Variants in TTN observed in about 807,000 individuals in gnomAD.
TTN encodes titin.
In TTN, 1,525 loss-of-function variants were observed where a neutral mutation model predicts 3,223.0. The ratio of observed to expected loss-of-function variants is 0.47; its 90% confidence interval spans 0.45 to 0.49. The LOEUF (loss-of-function observed/expected upper bound fraction) is 0.49. Among genes scored for constraint, TTN ranks in the 20% least tolerant of loss-of-function variants. TTN has a pLI of 0.00. For missense variants in TTN, 40,786 were observed against 43,424.0 expected, an observed-to-expected ratio of 0.94 and a Z score of 5.40; for synonymous variants, 14,094 against 15,161.0, an observed-to-expected ratio of 0.93 and a Z score of 5.17.
Position 178,597,893 on chromosome 2 carries a change from A to G in TTN, c.57262+15T>C. 1 of 1,612,944 alleles carries G rather than the reference A, an allele frequency of 6.2e-7. No individual in the cohort carries two copies. Among genetic ancestry groups the G allele is most frequent in the Non-Finnish European group, 8.5e-7 (1 of 1,179,480 alleles). ...AACATAAATACTGATGGCATAAGGA[A>G]GGATTGATAATTACCAAGTCTGTCC... On this transcript the variant is annotated intron_variant, in intron 293 of 362. Coordinates refer to ENST00000589042, the MANE Select transcript of TTN (RefSeq NM_001267550.2).
chr2:178,615,786 A>G lies in TTN; in HGVS notation c.48315T>C (p.Val16105=). Residue 16105 remains valine (V), a splice_region_variant and synonymous_variant, in exon 258 of 363, where the codon GTT becomes GTC. Transcript: ENST00000589042. The part of the protein sequence containing the change: ...REVSRKTWTK[V]MDFVTDLEFT... ...ATTCTAGATCAGTCACAAAGTCCATAACCTGGGACAAAGAAATACAGTTAA... is the reference window on the plus strand; with the variant it reads ...ATTCTAGATCAGTCACAAAGTCCATGACCTGGGACAAAGAAATACAGTTAA... 6.2e-7 allele frequency: 1 copy of G among 1,606,798 alleles called. No homozygotes were observed. Among genetic ancestry groups the G allele is most frequent in the South Asian group, 1.1e-5 (1 of 89,478 alleles).
At chr2:178,756,143 G>T in intron 46 of TTN, 79 bp downstream of exon 46, 2 of 1,066,808 alleles carry the variant, frequency 1.9e-6, no homozygotes, top group Non-Finnish European at 2.7e-6. Context: ...TATATTCGTC[G>T]ATTGAATTTG....
At chr2:178,803,801 A>G (rs1402828062) in intron 2 of TTN, among the ~76,000 whole-genome samples, 1 of 152,020 alleles carries the variant, frequency 6.6e-6, no homozygotes, top group Non-Finnish European at 1.5e-5. Flanking sequence ...AATATAGTTC[A>G]TACACTACTC....
rs879209553 is a variant in TTN at position 178,560,790 on chromosome 2, G to A, written c.85342C>T (p.Leu28448Phe). The A allele has an allele frequency of 1.8e-5, 29 of 1,613,720 alleles. No individual in the cohort carries two copies. Among genetic ancestry groups the A allele is most frequent in the Non-Finnish European group, 2.5e-5 (29 of 1,179,784 alleles). ...CCTGCTGGTGGACCAGGCTTATCAA[G>A]TACTTTGCAATTAACGGCCACAGAC... ...TRSVAVNCKVLDKPGPPAGPL... is the reference protein window; with the variant it reads ...TRSVAVNCKVFDKPGPPAGPL... Residue 28448 changes from leucine to phenylalanine, a missense_variant, in exon 326 of 363, where the codon CTT becomes TTT. Transcript: ENST00000589042.
intron 37 of TTN, 123 bp from the exon 38 acceptor site, chr2:178,769,056 G>C (rs917287473): frequency 4.3e-5 from 49 of 1,129,984 alleles, no homozygotes; most frequent in Non-Finnish European, 6.2e-5. Flanking sequence ...TTACAGTTTA[G>C]AGATATAAGC....
At chr2:178,669,292 T>C in intron 159 of TTN, 81 bp downstream of exon 159, 1 of 1,188,392 alleles carries the variant, frequency 8.4e-7, no homozygotes, top group Non-Finnish European at 1.2e-6. Context: ...TATATTTACT[T>C]TTCAAAGCTA....
At position 178,651,722 on chromosome 2, in the gene TTN, G is replaced by A. The variant is rs1060500460; in HGVS notation, c.39407C>T (p.Pro13136Leu). Residue 13136 changes from proline to leucine, a missense_variant, in exon 206 of 363, where the codon CCA becomes CTA. Coordinates refer to ENST00000589042, the MANE Select transcript of TTN (RefSeq NM_001267550.2). ...AACGACAGCAGGTGCTTTCTTTTCT[G>A]GGACAGGTTTCTTAGGTGGTACGGT... is the stretch of plus-strand genomic sequence containing the variant. ...QVTVPPKKPV[P>L]EKKAPAVVAK... is the part of the protein sequence containing the mutation. 6 of 1,613,258 alleles carry A rather than the reference G, an allele frequency of 3.7e-6. No homozygotes were observed. The highest frequency in any genetic ancestry group is 5.1e-6 in the Non-Finnish European group (6 of 1,179,566).
rs1559094124 is a variant in TTN at position 178,540,090 on chromosome 2, T to C, written c.98076A>G (p.Thr32692=). The stretch of plus-strand genomic sequence containing the variant: ...CACCAAGCATTTCAGTGACTTTGAC[T>C]GTTCCTGGTACCTCAGCAGGCTCAC... ...GPGEPAEVPG[T]VKVTEMLEYP... The change falls in exon 351 of 363, where the codon ACA becomes ACG. Residue 32692 remains threonine, a synonymous_variant. Coordinates refer to ENST00000589042, the MANE Select transcript of TTN (RefSeq NM_001267550.2). 6.2e-7 allele frequency: 1 copy of C among 1,604,702 alleles called. No homozygotes were observed. Among genetic ancestry groups the C allele is most frequent in the Non-Finnish European group, 8.5e-7 (1 of 1,173,894 alleles).
In TTN at chr2:178,652,923, C is replaced by A. The variant is rs748824566; in HGVS notation, c.38884G>T (p.Ala12962Ser). Residue 12962 changes from alanine to serine, a missense_variant, in exon 200 of 363, where the codon GCT (alanine) becomes TCT (serine). Physicochemically the swap from Ala to Ser is moderately conservative, Grantham distance 99. Transcript: ENST00000589042. ...PEVPPVKVPE[A>S]PIEVVPEKKM... is the part of the protein sequence containing the mutation. ...TTTTCAGGAACAACCTCTATGGGAG[C>A]CTCTGGCACTTAAAAGATATTAGTG... The A allele has an allele frequency of 6.9e-6, 11 of 1,604,924 alleles. No homozygotes were observed. In the Admixed American group the frequency reaches 1.9e-4, roughly 28 times the overall value.
Position 178,530,343 on chromosome 2 carries a change from A to G in TTN, c.106272T>C (p.Thr35424=). Residue 35424 remains threonine (T), a synonymous_variant, in exon 358 of 363, where the codon ACT becomes ACC. Coordinates refer to ENST00000589042, the MANE Select transcript of TTN (RefSeq NM_001267550.2). ...EPISSKPVIV[T]GLQDTTVSSD... is the part of the protein sequence containing the mutation. ...AAGAAACAGTTGTATCCTGCAACCC[A>G]GTAACAATTACTGGTTTTGAGGAAA... 1 of 1,614,000 alleles carries G rather than the reference A, an allele frequency of 6.2e-7. No homozygotes were observed. The highest frequency in any genetic ancestry group is 8.5e-7 in the Non-Finnish European group (1 of 1,179,874).
At position 178,601,985 on chromosome 2, in the gene TTN, A is replaced by T; in HGVS notation, c.55269+17T>A. ...AGTGATTCAGTGGAAAAAAGAGGAG[A>T]ATGGTTATTTTCCTACCTTCATTGC... On this transcript the variant is annotated intron_variant, in intron 284 of 362. Transcript: ENST00000589042. 6.2e-7 allele frequency: 1 copy of T among 1,612,638 alleles called. No homozygotes were observed. Among genetic ancestry groups the T allele is most frequent in the Non-Finnish European group, 8.5e-7 (1 of 1,179,176 alleles).
chr2:178,702,514 A>T lies in TTN; in HGVS notation c.30373T>A (p.Phe10125Ile). The change falls in exon 107 of 363, where the codon TTC (phenylalanine) becomes ATC (isoleucine). Residue 10125 changes from phenylalanine to isoleucine, a missense_variant. Physicochemically the swap from Phe to Ile is conservative, Grantham distance 21. Coordinates refer to ENST00000589042, the MANE Select transcript of TTN (RefSeq NM_001267550.2). ...TELTESQKYN[F>I]RNDGRCHYMT... Reference sequence around the variant, plus strand: ...TAATGGCAGCGGCCATCATTCCTGAAGTTGTATTTCTGGCTCTCTGTCAGT... The same window carrying T: ...TAATGGCAGCGGCCATCATTCCTGATGTTGTATTTCTGGCTCTCTGTCAGT... The T allele has an allele frequency of 6.2e-7, 1 of 1,613,916 alleles. No homozygotes were observed. The highest frequency in any genetic ancestry group is 8.5e-7 in the Non-Finnish European group (1 of 1,179,878).
rs752009181 is a variant in TTN at position 178,568,022 on chromosome 2, C to T, written c.78110G>A (p.Trp26037Ter). 1 of 1,613,284 alleles carries T rather than the reference C, an allele frequency of 6.2e-7. No homozygotes were observed. The highest frequency in any genetic ancestry group is 1.1e-5 in the South Asian group (1 of 91,072). ...LERKERNSIL[W>*]TKVNKTIIHD... is the part of the protein sequence containing the mutation. ...AATAATAGTTTTGTTGACCTTTGTC[C>T]ACAAAATACTGTTTCTTTCTTTTCT... The change falls in exon 326 of 363, where the codon TGG becomes TAG. Residue 26037 changes from tryptophan (W) to a stop codon, truncating the protein, a stop_gained. Coordinates refer to ENST00000589042, the MANE Select transcript of TTN (RefSeq NM_001267550.2). LOFTEE classifies it high-confidence loss of function.
In TTN at chr2:178,558,476, C is replaced by T. The variant is rs774191975; in HGVS notation, c.86983G>A (p.Ala28995Thr). The T allele has an allele frequency of 6.2e-5, 100 of 1,613,708 alleles. No homozygotes were observed. The highest frequency in any genetic ancestry group is 7.5e-5 in the Non-Finnish European group (89 of 1,179,842). ...GQKNWVKCAVAKSTHHVVSGL... is the reference protein window; with the variant it reads ...GQKNWVKCAVTKSTHHVVSGL... ...GAAACAACGTGATGGGTTGACTTTG[C>T]CACTGCACATTTAACCCAGTTTTTC... Residue 28995 changes from alanine to threonine, a missense_variant, in exon 327 of 363, where the codon GCA becomes ACA. Transcript: ENST00000589042.
chr2:178,794,410 C>A lies in TTN; in HGVS notation c.1387G>T (p.Ala463Ser). 1 of 1,614,168 alleles carries A rather than the reference C, an allele frequency of 6.2e-7. No homozygotes were observed. The highest frequency in any genetic ancestry group is 8.5e-7 in the Non-Finnish European group (1 of 1,180,016). Residue 463 changes from alanine to serine, a missense_variant, in exon 8 of 363, where the codon GCT (alanine) becomes TCT (serine). Coordinates refer to ENST00000589042, the MANE Select transcript of TTN (RefSeq NM_001267550.2). ...TTTTAVHIQP[A>S]QEQVRKEAEK... ...AGCCTCGCACGTACCTGTTCTTGAG[C>A]AGGTTGGATGTGCACAGCAGTCGTG...
chr2:178,749,437 T>C (rs1167341484), intron 47 of TTN: 1 of 1,613,064 alleles, frequency 6.2e-7, no homozygotes, highest in South Asian at 1.1e-5. Context: ...GCACCTGCTC[T>C]TTCTGGTCTA....
At chr2:178,772,312 C>T (rs931054590) in intron 33 of TTN, among the ~76,000 whole-genome samples, 2 of 151,888 alleles carry the variant, frequency 1.3e-5, no homozygotes, top group Non-Finnish European at 2.9e-5. Context: ...ACTTTCATAC[C>T]AAATAAGACA....
chr2:178,573,064 A>T lies in TTN; in HGVS notation c.73068T>A (p.Thr24356=), dbSNP rs1264242838. The T allele has an allele frequency of 1.2e-6, 2 of 1,613,150 alleles. No individual in the cohort carries two copies. Among genetic ancestry groups the T allele is most frequent in the Non-Finnish European group, 1.7e-6 (2 of 1,179,554 alleles). ...KPIYDGGSEI[T]GYMVEIALPE... ...GCAGGGCAATCTCAACCATATACCCAGTGATTTCTGAACCACCATCATAGA... is the reference window on the plus strand; with the variant it reads ...GCAGGGCAATCTCAACCATATACCCTGTGATTTCTGAACCACCATCATAGA... The change falls in exon 326 of 363, where the codon ACT becomes ACA. Residue 24356 remains threonine, a synonymous_variant. Transcript: ENST00000589042.
At position 178,575,535 on chromosome 2, in the gene TTN, G is replaced by C. The variant is rs886055250; in HGVS notation, c.70597C>G (p.Pro23533Ala). The part of the protein sequence containing the change: ...TTEPVKASEA[P>A]SPPDSLNIMD... The stretch of plus-strand genomic sequence containing the variant: ...ATGTTAAGGCTGTCTGGTGGAGATG[G>C]TGCTTCAGAGGCTTTTACGGGCTCT... Residue 23533 changes from proline (P) to alanine (A), a missense_variant, in exon 326 of 363, where the codon CCA becomes GCA. By Grantham distance (27) the Pro-to-Ala change is conservative (BLOSUM62 -1). Coordinates refer to ENST00000589042, the MANE Select transcript of TTN (RefSeq NM_001267550.2). This position sits in a 1 kb window ranked among gnomAD's most constrained non-coding sequence, Gnocchi z 4.0. 1 of 1,613,686 alleles carries C rather than the reference G, an allele frequency of 6.2e-7. No homozygotes were observed. The highest frequency in any genetic ancestry group is 8.5e-7 in the Non-Finnish European group (1 of 1,179,666).
Sources: gnomAD v4.1 joint callset for allele counts (sites outside exome capture counted in the v4.1 genomes callset) on GRCh38, gnomAD v4.1.1 for gene constraint, Gnocchi (gnomAD v3.1) non-coding constraint, MANE v1.5 for transcripts, NCBI Gene and HGNC (gene_info 2026-07-23, HGNC 2026-07-21) for gene names.